STAC: variants seen among roughly 807,000 people sequenced by gnomAD.
STAC encodes SH3 and cysteine-rich domain-containing protein.
STAC carries 43 observed loss-of-function variants against 48.8 expected under a neutral mutation model. The ratio of observed to expected loss-of-function variants is 0.88; its 90% CI spans 0.69 to 1.14. The LOEUF (loss-of-function observed/expected upper bound fraction) is 1.14. Among genes scored for constraint, STAC ranks in the 50% most tolerant of loss-of-function variants. The pLI is 0.00. For synonymous variants in STAC, 193 were observed against 179.5 expected (o/e 1.07, Z -0.60); for missense variants, 497 against 504.0 (o/e 0.99, Z 0.13).
rs113004031 is a variant in STAC at position 36,454,453 on chromosome 3, C to A, written c.388+10813C>A. Reference sequence around the variant, plus strand: ...ATCCGAACATCAGAAGGAACAAACTCCGGACACGCCACCATTAAGAACTGT... The same window carrying A: ...ATCCGAACATCAGAAGGAACAAACTACGGACACGCCACCATTAAGAACTGT... On this transcript the variant is annotated intron_variant, in intron 2 of 10. Coordinates refer to ENST00000273183, the MANE Select transcript of STAC (RefSeq NM_003149.3). Among the ~76,000 whole-genome samples, 242 of 152,198 alleles carry A rather than the reference C, an allele frequency of 1.6e-3. 1 individual carries two copies. Among genetic ancestry groups the A allele is most frequent in the African/African-American group, 4.2e-3 (173 of 41,508 alleles).
chr3:36,481,019 G>A (rs1697631797), intron 2 of STAC, among the ~76,000 whole-genome samples: 1 of 152,166 alleles, frequency 6.6e-6, no homozygotes, highest in African/African-American at 2.4e-5. Flanking sequence ...AAGAGGAAAA[G>A]GATAATTTAG....
At chr3:36,418,069 T>C (rs1180398121) in intron 1 of STAC, among the ~76,000 whole-genome samples, 2 of 152,204 alleles carry the variant, frequency 1.3e-5, no homozygotes, top group Non-Finnish European at 1.5e-5. Context: ...TTCCTATTGA[T>C]TAGACTAAGT....
At chr3:36,441,386 C>T (rs755441991) in intron 1 of STAC, among the ~76,000 whole-genome samples, 13 of 152,068 alleles carry the variant, frequency 8.5e-5, no homozygotes, top group Non-Finnish European at 1.3e-4. Flanking sequence ...AACATAATGT[C>T]CTCCTGTCCC....
chr3:36,495,617 G>A (rs1223936685), intron 6 of STAC, among the ~76,000 whole-genome samples: 1 of 152,232 alleles, frequency 6.6e-6, no homozygotes, highest in Non-Finnish European at 1.5e-5. Flanking sequence ...GCCTGGCTCT[G>A]TCTATGCTGT....
chr3:36,514,194 C>T (rs1435283546), intron 8 of STAC, among the ~76,000 whole-genome samples: 1 of 136,580 alleles, frequency 7.3e-6, no homozygotes, highest in Non-Finnish European at 1.6e-5. Context: ...GATCCATCTA[C>T]ACTGGCCTTC....
intron 2 of STAC, among the ~76,000 whole-genome samples, chr3:36,478,103 G>T (rs1697541000): frequency 6.6e-6 from 1 of 152,176 alleles, no homozygotes; most frequent in Non-Finnish European, 1.5e-5. Flanking sequence ...TTCTGCTGCT[G>T]TTTATTGATT....
chr3:36,395,385 C>A (rs1464543141), intron 1 of STAC, among the ~76,000 whole-genome samples: 2 of 152,068 alleles, frequency 1.3e-5, no homozygotes, highest in Non-Finnish European at 2.9e-5. Context: ...TGACAGAGAG[C>A]AAATGAGAAG....
chr3:36,475,135 T>A (rs2125694422), intron 2 of STAC, among the ~76,000 whole-genome samples: 1 of 152,274 alleles, frequency 6.6e-6, no homozygotes, highest in South Asian at 2.1e-4. Flanking sequence ...AGGGGAAAAA[T>A]CATGCTCAGT....
intron 2 of STAC, among the ~76,000 whole-genome samples, chr3:36,458,575 G>C (rs1448467464): frequency 6.6e-6 from 1 of 152,132 alleles, no homozygotes; most frequent in African/African-American, 2.4e-5. Flanking sequence ...TTCCAGCTCT[G>C]CGTGAAGGAA....
At chr3:36,511,724 G>C (rs143510699) in intron 8 of STAC, among the ~76,000 whole-genome samples, 4 of 152,260 alleles carry the variant, frequency 2.6e-5, no homozygotes, top group Middle Eastern at 3.4e-3. Flanking sequence ...CTCCACACTG[G>C]AGCGACCTGG....
intron 1 of STAC, among the ~76,000 whole-genome samples, chr3:36,433,638 T>TA (rs908764205): frequency 1.3e-5 from 2 of 152,236 alleles, no homozygotes; most frequent in African/African-American, 4.8e-5. Context: ...AATTAGATCT[T>TA]AGACTTCCTA....
At chr3:36,531,760 A>G (rs1452097170) in intron 10 of STAC, among the ~76,000 whole-genome samples, 1 of 152,216 alleles carries the variant, frequency 6.6e-6, no homozygotes, top group Non-Finnish European at 1.5e-5. Context: ...TTTAAGAGAC[A>G]GTGAGAAACC....
intron 4 of STAC, 95 bp from the exon 5 acceptor site, chr3:36,486,036 CCTG>C: frequency 1.1e-6 from 1 of 877,938 alleles, no homozygotes; most frequent in Non-Finnish European, 1.8e-6. Flanking sequence ...CTGCACAGAG[CCTG>C]CTTCTCAGGC....
At chr3:36,497,662 A>G (rs976285506) in intron 6 of STAC, among the ~76,000 whole-genome samples, 1 of 152,086 alleles carries the variant, frequency 6.6e-6, no homozygotes, top group Non-Finnish European at 1.5e-5. Flanking sequence ...GGAATATGCT[A>G]TACCAGCCTT....
intron 2 of STAC, among the ~76,000 whole-genome samples, chr3:36,460,445 C>CAA (rs113594180): frequency 2.6e-5 from 4 of 151,674 alleles, no homozygotes; most frequent in African/African-American, 7.3e-5. Flanking sequence ...AACACTAACA[C>CAA]ACAAAAAAAT....
intron 1 of STAC, 53 bp downstream of exon 1, chr3:36,380,807 C>A (rs1699492993): frequency 2.1e-6 from 3 of 1,424,280 alleles, no homozygotes; most frequent in Non-Finnish European, 1.9e-6. Context: ...CCTCTCCTGT[C>A]GGTCCAGCTT....
At chr3:36,419,764 A>G (rs1474647474) in intron 1 of STAC, among the ~76,000 whole-genome samples, 1 of 152,226 alleles carries the variant, frequency 6.6e-6, no homozygotes, top group Non-Finnish European at 1.5e-5. Context: ...AGAGGACTTC[A>G]GAAAACAACC....
intron 1 of STAC, among the ~76,000 whole-genome samples, chr3:36,404,145 CAAAT>C (rs1700048775): frequency 6.6e-6 from 1 of 152,118 alleles, no homozygotes; most frequent in South Asian, 2.1e-4. Flanking sequence ...TATGGAAAAA[CAAAT>C]AAGGAGATCT....
chr3:36,385,096 G>A (rs547821116), intron 1 of STAC, among the ~76,000 whole-genome samples: 2 of 152,262 alleles, frequency 1.3e-5, no homozygotes, highest in Admixed American at 6.5e-5. Flanking sequence ...GAGATCTCAA[G>A]CATCAGTATT....
Sources: allele counts gnomAD v4.1 joint callset (sites outside exome capture counted in the v4.1 genomes callset), GRCh38; gene constraint gnomAD v4.1.1; transcripts MANE v1.5; gene names NCBI Gene and HGNC (gene_info 2026-07-23, HGNC 2026-07-21).